ZNF710: variants seen among roughly 807,000 people sequenced by gnomAD.
The protein encoded by ZNF710 is zinc finger protein 710.
ZNF710 carries 13 observed loss-of-function variants against 50.6 expected under a neutral mutation model. That is an observed-to-expected ratio of 0.26 (90% CI 0.17 to 0.41). The LOEUF (loss-of-function observed/expected upper bound fraction) is 0.41, where lower values mean the gene tolerates loss of function less well. Ranked by LOEUF, ZNF710 falls within the 10% of genes least tolerant of loss-of-function variation. The pLI is 1.00. For missense variants in ZNF710, 721 were observed against 936.6 expected (o/e 0.77, Z 3.01); for synonymous variants, 383 against 397.0 (o/e 0.96, Z 0.42).
intron 4 of ZNF710, chr15:90,075,567 C>T (rs535160321): frequency 6.6e-6 from 1 of 152,268 alleles, no homozygotes; most frequent in African/African-American, 2.4e-5. Context: ...GTCACACCAG[C>T]TGGGAACATG....
chr15:90,035,695 G>GATCGCA (rs1899101850), intron 1 of ZNF710, among the ~76,000 whole-genome samples: 1 of 152,232 alleles, frequency 6.6e-6, no homozygotes, highest in Admixed American at 6.5e-5. Flanking sequence ...CGTGTATTTG[G>GATCGCA]ATAGCAAACA....
chr15:90,047,672 A>T (rs943044813), intron 1 of ZNF710, among the ~76,000 whole-genome samples: 1 of 149,336 alleles, frequency 6.7e-6, no homozygotes, highest in African/African-American at 2.5e-5. Flanking sequence ...GCAACCTCCA[A>T]CTCCCGGGTT....
intron 1 of ZNF710, among the ~76,000 whole-genome samples, chr15:90,008,449 T>TACAC (rs1898206937): frequency 7.0e-6 from 1 of 142,566 alleles, no homozygotes; most frequent in African/African-American, 2.8e-5. Flanking sequence ...TACATATATA[T>TACAC]ATATGTATAT....
intron 1 of ZNF710, among the ~76,000 whole-genome samples, chr15:90,030,724 A>G (rs1484874643): frequency 6.6e-6 from 1 of 152,060 alleles, no homozygotes; most frequent in African/African-American, 2.4e-5. Context: ...CAAATTAAAA[A>G]AAAAAAAATT....
chr15:90,036,921 C>G (rs970027540), intron 1 of ZNF710, among the ~76,000 whole-genome samples: 6 of 152,288 alleles, frequency 3.9e-5, no homozygotes, highest in Admixed American at 2.0e-4. Context: ...GAGAGGCAGC[C>G]CAGGTTGCTA....
rs751547662 is a variant in ZNF710, at chr15:90,079,830, C to T, written c.*1C>T. The T allele has an allele frequency of 4.0e-5, 64 of 1,586,006 alleles. No homozygotes were observed. Among genetic ancestry groups the T allele is most frequent in the Middle Eastern group, 1.7e-4 (1 of 5,834 alleles). ...GATGGCCTACTACAATGTGCTATAG[C>T]GCAAGCTGGGCCACCCCTAACGGGG... On this transcript the variant is annotated 3_prime_UTR_variant, in exon 5 of 5. Transcript: ENST00000268154.
intron 1 of ZNF710, among the ~76,000 whole-genome samples, chr15:90,001,942 G>A (rs1213212462): frequency 6.9e-6 from 1 of 144,278 alleles, no homozygotes; most frequent in African/African-American, 2.6e-5. Context: ...GCGAAAGAGG[G>A]CGAGAGGGAG....
chr15:90,020,822 G>A (rs934486611), intron 1 of ZNF710, among the ~76,000 whole-genome samples: 10 of 152,046 alleles, frequency 6.6e-5, no homozygotes, highest in Non-Finnish European at 1.0e-4. Context: ...TCCCCCACCC[G>A]CCTCCCCGCA....
At chr15:90,070,654 A>T (rs1173031912) in intron 2 of ZNF710, among the ~76,000 whole-genome samples, 3 of 151,634 alleles carry the variant, frequency 2.0e-5, no homozygotes, top group Non-Finnish European at 4.4e-5. Flanking sequence ...CTCAAAAAAA[A>T]GAAAAAAATC....
At chr15:90,003,735 T>C (rs1898072240) in intron 1 of ZNF710, among the ~76,000 whole-genome samples, 1 of 152,160 alleles carries the variant, frequency 6.6e-6, no homozygotes, top group African/African-American at 2.4e-5. Context: ...TACTTTCTCA[T>C]TGGTTTTATT....
chr15:90,061,603 C>T (rs1229760597), intron 1 of ZNF710, among the ~76,000 whole-genome samples: 1 of 152,186 alleles, frequency 6.6e-6, no homozygotes, highest in Non-Finnish European at 1.5e-5. Flanking sequence ...TGTCTTCACC[C>T]ACTCTCTGCC....
At chr15:90,024,698 C>T (rs1200388564) in intron 1 of ZNF710, among the ~76,000 whole-genome samples, 2 of 152,218 alleles carry the variant, frequency 1.3e-5, no homozygotes, top group East Asian at 3.8e-4. Flanking sequence ...TGCTGCCTCT[C>T]CCTCCACCTC....
At chr15:90,042,226 C>G (rs751233995) in intron 1 of ZNF710, among the ~76,000 whole-genome samples, 2 of 152,038 alleles carry the variant, frequency 1.3e-5, no homozygotes, top group African/African-American at 4.8e-5. Flanking sequence ...TCCATGCCCC[C>G]CCTTCTCTCC....
intron 4 of ZNF710, chr15:90,075,997 G>A (rs1900579793): frequency 6.6e-6 from 1 of 152,200 alleles, no homozygotes; most frequent in South Asian, 2.1e-4. Context: ...GTCTCCTGGA[G>A]GGCTTGTTGA....
intron 3 of ZNF710, 52 bp from the exon 4 acceptor site, chr15:90,074,064 C>T (rs376614143): frequency 3.0e-5 from 47 of 1,563,716 alleles, no homozygotes; most frequent in African/African-American, 4.2e-5. Context: ...GGCTGGGGTC[C>T]GGGGAAAGCA....
intron 1 of ZNF710, among the ~76,000 whole-genome samples, chr15:90,032,754 G>A (rs1898985573): frequency 6.8e-6 from 1 of 146,090 alleles, no homozygotes; most frequent in African/African-American, 2.6e-5. Context: ...CTCCAGCCTG[G>A]GCAAGAGTGA....
intron 1 of ZNF710, among the ~76,000 whole-genome samples, chr15:90,064,858 G>A (rs138370275): frequency 1.3e-5 from 2 of 152,270 alleles, no homozygotes; most frequent in East Asian, 1.9e-4. Flanking sequence ...TTAGGACCGT[G>A]GGCCCTCACA....
Position 90,001,966 on chromosome 15 carries a change from T to TGAGAGAGA in ZNF710, c.-29+376_-29+383dup, listed in dbSNP as rs745830369. 1.9e-3 allele frequency among the ~76,000 whole-genome samples: 183 copies of TGAGAGAGA among 96,840 alleles called. 2 individuals carry two copies. The highest frequency in any genetic ancestry group is 6.9e-3 in the African/African-American group (163 of 23,606). 63.5% of individuals were successfully genotyped at this position (96,840 alleles called of 152,430 possible). On this transcript the variant is annotated intron_variant, in intron 1 of 4. Transcript: ENST00000268154. ...GGCGAGAGGGAGGAGAGCGCGCGAA[T>TGAGAGAGA]GAGAGAGAGAGAGAGAGAGAGAGAG... is the stretch of plus-strand genomic sequence containing the variant.
intron 1 of ZNF710, among the ~76,000 whole-genome samples, chr15:90,035,675 A>G (rs1413597386): frequency 2.6e-5 from 4 of 152,228 alleles, no homozygotes; most frequent in Non-Finnish European, 5.9e-5. Flanking sequence ...CTGAGTCAAC[A>G]ACATGGGGAC....
Sources: gnomAD v4.1 joint callset for allele counts (sites outside exome capture counted in the v4.1 genomes callset) on GRCh38, gnomAD v4.1.1 for gene constraint, MANE v1.5 for transcripts, NCBI Gene and HGNC (gene_info 2026-07-23, HGNC 2026-07-21) for gene names.